Variants in ANXA10 observed in about 807,000 individuals in gnomAD.
The protein encoded by ANXA10 is annexin 14.
In ANXA10, 49 loss-of-function variants were observed where a neutral mutation model predicts 53.5. That is an observed-to-expected ratio of 0.92 (90% CI 0.73 to 1.16). The LOEUF (loss-of-function observed/expected upper bound fraction) is 1.16. Among genes scored for constraint, ANXA10 ranks in the 50% most tolerant of loss-of-function variants. The probability of loss-of-function intolerance (pLI) is 0.00; values close to 1 mark genes in which losing one functional copy is unlikely to be tolerated. For synonymous variants in ANXA10, 131 were observed against 128.9 expected (o/e 1.02, Z -0.11); for missense variants, 393 against 394.4 (o/e 1.00, Z 0.03).
intron 1 of ANXA10, among the ~76,000 whole-genome samples, chr4:168,098,315 T>G (rs1364760270): frequency 6.6e-6 from 1 of 152,222 alleles, no homozygotes; most frequent in East Asian, 1.9e-4. Context: ...ATAGTTAGTT[T>G]AATGAGTCAT....
chr4:168,127,680 A>T (rs1241297414), intron 1 of ANXA10: 2 of 407,136 alleles, frequency 4.9e-6, no homozygotes, highest in Non-Finnish European at 9.5e-6. Context: ...GATAAAATGA[A>T]CTCAACCAAA....
intron 3 of ANXA10, among the ~76,000 whole-genome samples, chr4:168,144,989 G>A (rs1731384069): frequency 6.6e-6 from 1 of 152,264 alleles, no homozygotes; most frequent in African/African-American, 2.4e-5. Flanking sequence ...CTTGGGGATT[G>A]GGATTTTTAA....
At chr4:168,132,923 T>G (rs1039509611) in intron 2 of ANXA10, among the ~76,000 whole-genome samples, 3 of 152,146 alleles carry the variant, frequency 2.0e-5, no homozygotes, top group African/African-American at 7.2e-5. Flanking sequence ...AAAATTGTTT[T>G]ATAACCCCCA....
In ANXA10 at chr4:168,156,201, ATATAT is replaced by A. The variant is rs1214768841; in HGVS notation, c.196-6316_196-6312del. 3.3e-3 allele frequency among the ~76,000 whole-genome samples: 85 copies of A among 26,044 alleles called. 2 individuals carry two copies. Among genetic ancestry groups the A allele is most frequent in the African/African-American group, 0.014 (74 of 5,156 alleles). 17.1% of individuals were successfully genotyped at this position (26,044 alleles called of 152,430 possible). A position where few individuals can be genotyped will look rare whatever the true frequency, so the allele number is the denominator to read the frequency against. On this transcript the variant is annotated intron_variant, in intron 3 of 11. Transcript: ENST00000359299. Reference sequence around the variant, plus strand: ...TTATATATTATATATTATATATAATATATATTATATTATATGTAATATGTATTATA... The same window carrying A: ...TTATATATTATATATTATATATAATATATATTATATGTAATATGTATTATA...
chr4:168,158,880 G>A (rs11938915), intron 3 of ANXA10, among the ~76,000 whole-genome samples: 98,568 of 152,000 alleles, frequency 0.65, 33,354 homozygotes, highest in African/African-American at 0.85. Flanking sequence ...TGTTTGGGTC[G>A]TGGGAGCGGA....
chr4:168,145,760 G>A (rs1014569572), intron 3 of ANXA10, among the ~76,000 whole-genome samples: 13 of 152,162 alleles, frequency 8.5e-5, no homozygotes, highest in African/African-American at 2.6e-4. Context: ...TCCAGGAACC[G>A]CTGAATTCAG....
intron 8 of ANXA10, chr4:168,178,231 T>C: frequency 2.1e-6 from 1 of 467,454 alleles, no homozygotes; most frequent in Non-Finnish European, 3.9e-6. Context: ...ATCTCTGTAT[T>C]TGATGGAGTA....
chr4:168,132,040 A>G (rs1367534357), intron 2 of ANXA10, among the ~76,000 whole-genome samples: 2 of 152,122 alleles, frequency 1.3e-5, no homozygotes, highest in Admixed American at 1.3e-4. Flanking sequence ...GTACGTTAGT[A>G]CCACCACTAT....
chr4:168,161,554 G>T (rs1252762311), intron 3 of ANXA10, among the ~76,000 whole-genome samples: 2 of 151,854 alleles, frequency 1.3e-5, no homozygotes, highest in Non-Finnish European at 2.9e-5. Context: ...CTCTTTTTTT[G>T]GTTCCATATG....
At chr4:168,161,193 G>T (rs1345686324) in intron 3 of ANXA10, among the ~76,000 whole-genome samples, 1 of 152,080 alleles carries the variant, frequency 6.6e-6, no homozygotes, top group East Asian at 1.9e-4. Context: ...ATAGTTTTGG[G>T]TTTTACATTT....
intron 3 of ANXA10, among the ~76,000 whole-genome samples, chr4:168,142,387 C>T (rs1025258713): frequency 6.6e-6 from 1 of 152,142 alleles, no homozygotes; most frequent in African/African-American, 2.4e-5. Context: ...TTCAAATTAA[C>T]CATGGCTGCC....
At chr4:168,149,054 C>T (rs1731451903) in intron 3 of ANXA10, among the ~76,000 whole-genome samples, 1 of 151,900 alleles carries the variant, frequency 6.6e-6, no homozygotes. Flanking sequence ...ATCCTTTTTT[C>T]TATAGATTCT....
At chr4:168,112,737 C>T (rs562597250) in intron 1 of ANXA10, among the ~76,000 whole-genome samples, 14 of 152,128 alleles carry the variant, frequency 9.2e-5, no homozygotes, top group Non-Finnish European at 1.8e-4. Flanking sequence ...AAATGAATCT[C>T]CCTGCCGGCA....
chr4:168,126,596 T>C (rs1019697964), intron 1 of ANXA10, among the ~76,000 whole-genome samples: 1 of 152,162 alleles, frequency 6.6e-6, no homozygotes, highest in African/African-American at 2.4e-5. Context: ...GGGGGAAATT[T>C]ACACCCTCTT....
chr4:168,162,495 A>T, intron 3 of ANXA10, 33 bp from the exon 4 acceptor site: 1 of 1,501,036 alleles, frequency 6.7e-7, no homozygotes, highest in East Asian at 2.3e-5. Flanking sequence ...ATTTGGTAAC[A>T]TATAATAAAT....
At chr4:168,122,170 A>T (rs1232308301) in intron 1 of ANXA10, among the ~76,000 whole-genome samples, 1 of 152,034 alleles carries the variant, frequency 6.6e-6, no homozygotes, top group Non-Finnish European at 1.5e-5. Context: ...CTCCATTTTG[A>T]CCTTCCGTGA....
chr4:168,145,879 G>T (rs1731397967), intron 3 of ANXA10, among the ~76,000 whole-genome samples: 1 of 151,976 alleles, frequency 6.6e-6, no homozygotes, highest in African/African-American at 2.4e-5. Flanking sequence ...GCCTAGGGAT[G>T]GTGGAGATCA....
chr4:168,135,704 T>G (rs1731226095), intron 2 of ANXA10, among the ~76,000 whole-genome samples: 1 of 152,144 alleles, frequency 6.6e-6, no homozygotes, highest in Non-Finnish European at 1.5e-5. Context: ...AGGTGTTCCA[T>G]GAAAAGCATG....
rs1384088237 is a variant in ANXA10 at position 168,177,756 on chromosome 4, G to A, written c.497G>A (p.Gly166Glu). The A allele has an allele frequency of 6.2e-7, 1 of 1,614,042 alleles. No individual in the cohort carries two copies. The highest frequency in any genetic ancestry group is 1.3e-5 in the African/African-American group (1 of 74,930). ...ACTTTACAGGGGACCAGAGAGGAAG[G>A]ATATACAGACCCTGCGATGGCTGCT... Reference protein sequence around the residue: ...MNLVQGTREEGYTDPAMAAQD... With the variant: ...MNLVQGTREEEYTDPAMAAQD... The change falls in exon 7 of 12, where the codon GGA becomes GAA. Residue 166 changes from glycine to glutamate, a missense_variant. Gly to Glu is a moderately conservative substitution (Grantham distance 98). Transcript: ENST00000359299.
Sources: gnomAD v4.1 joint callset for allele counts (sites outside exome capture counted in the v4.1 genomes callset) on GRCh38, gnomAD v4.1.1 for gene constraint, MANE v1.5 for transcripts, NCBI Gene and HGNC (gene_info 2026-07-23, HGNC 2026-07-21) for gene names.